The following PDHX variants were observed in gnomAD, a reference collection of about 807,000 sequenced individuals.
PDHX encodes pyruvate dehydrogenase protein X component, mitochondrial.
In PDHX, 33 loss-of-function variants were observed where a neutral mutation model predicts 55.3. The ratio of observed to expected loss-of-function variants is 0.60; its 90% CI spans 0.45 to 0.80. The LOEUF (loss-of-function observed/expected upper bound fraction) is 0.80. Among genes scored for constraint, PDHX ranks in the 30% least tolerant of loss-of-function variants. PDHX has a pLI of 0.00. For synonymous variants in PDHX, 226 were observed against 219.4 expected, an observed-to-expected ratio of 1.03 and a Z score of -0.27; for missense variants, 622 against 619.9, an observed-to-expected ratio of 1.00 and a Z score of -0.04.
intron 5 of PDHX, among the ~76,000 whole-genome samples, chr11:34,964,021 A>G (rs1855077151): frequency 6.6e-6 from 1 of 152,176 alleles, no homozygotes; most frequent in African/African-American, 2.4e-5. Flanking sequence ...TCACACCCAA[A>G]TGAATTGCTC....
At chr11:34,946,548 A>G (rs1028153125) in intron 2 of PDHX, among the ~76,000 whole-genome samples, 1 of 152,232 alleles carries the variant, frequency 6.6e-6, no homozygotes, top group South Asian at 2.1e-4. Context: ...TCCCCCCTCG[A>G]TCCTTGCCAC....
At chr11:34,938,225 A>G (rs949501490) in intron 2 of PDHX, among the ~76,000 whole-genome samples, 1 of 152,242 alleles carries the variant, frequency 6.6e-6, no homozygotes, top group Non-Finnish European at 1.5e-5. Context: ...AAGTTGACAT[A>G]TGAAGGGTAA....
intron 1 of PDHX, among the ~76,000 whole-genome samples, chr11:34,918,526 A>T (rs1853799446): frequency 6.6e-6 from 1 of 152,044 alleles, no homozygotes; most frequent in African/African-American, 2.4e-5. Context: ...CATCCTCATG[A>T]TGCTTTTTTA....
chr11:34,932,084 A>G (rs1854190600), intron 2 of PDHX, among the ~76,000 whole-genome samples: 1 of 152,160 alleles, frequency 6.6e-6, no homozygotes. Context: ...ATTTAAGTAT[A>G]TAATAAAGGA....
chr11:34,987,744 G>GTGTGTGTGTA (rs1855678817), intron 9 of PDHX, among the ~76,000 whole-genome samples: 1 of 151,520 alleles, frequency 6.6e-6, no homozygotes, highest in East Asian at 1.9e-4. Context: ...GTGTGTGTGT[G>GTGTGTGTGTA]TGTGTATGTG....
intron 6 of PDHX, 152 bp from the exon 7 acceptor site, chr11:34,969,987 A>T (rs1855222328): frequency 1.4e-6 from 1 of 704,582 alleles, no homozygotes; most frequent in African/African-American, 1.8e-5. Context: ...CCTTATACTA[A>T]GAATTTTAAT....
intron 1 of PDHX, among the ~76,000 whole-genome samples, chr11:34,920,606 G>A (rs936259656): frequency 1.3e-5 from 2 of 152,148 alleles, no homozygotes; most frequent in African/African-American, 4.8e-5. Flanking sequence ...CCTATGTGGT[G>A]ACAATTATCT....
intron 2 of PDHX, among the ~76,000 whole-genome samples, chr11:34,944,089 GTGTGTA>G (rs1400533130): frequency 2.7e-5 from 4 of 148,210 alleles, no homozygotes; most frequent in Non-Finnish European, 4.5e-5. Flanking sequence ...ATGTGTGTGT[GTGTGTA>G]TATATATATA....
intron 5 of PDHX, among the ~76,000 whole-genome samples, chr11:34,964,560 C>T (rs563441757): frequency 3.0e-4 from 45 of 151,912 alleles, no homozygotes; most frequent in South Asian, 1.2e-3. Context: ...GCTGAGATCG[C>T]GCCACTGCAC....
In PDHX at chr11:34,931,446, TG is replaced by T; in HGVS notation, c.205del (p.Glu69LysfsTer6). 2 of 1,607,984 alleles carry T rather than the reference TG, an allele frequency of 1.2e-6. No homozygotes were observed. Among genetic ancestry groups the T allele is most frequent in the African/African-American group, 2.7e-5 (2 of 74,804 alleles). On this transcript the variant is annotated frameshift_variant, in exon 2 of 11. Coordinates refer to ENST00000227868, the MANE Select transcript of PDHX (RefSeq NM_003477.3). LOFTEE classifies it high-confidence loss of function. The part of the protein sequence containing the change: ...KILMPSLSPT[M>X]EEGNIVKWLK... ...CTAATGCCATCACTGTCTCCTACAA[TG>T]GAAGAAGGAAACATTGTGAAATGGC...
At chr11:34,990,870 AAGTT>A (rs1217133455) in intron 9 of PDHX, among the ~76,000 whole-genome samples, 1 of 152,218 alleles carries the variant, frequency 6.6e-6, no homozygotes, top group Non-Finnish European at 1.5e-5. Flanking sequence ...CTATGAATTA[AAGTT>A]AGTTATCAAC....
At chr11:34,917,421 A>G (rs1284771349) in intron 1 of PDHX, among the ~76,000 whole-genome samples, 2 of 152,232 alleles carry the variant, frequency 1.3e-5, no homozygotes, top group African/African-American at 4.8e-5. Flanking sequence ...CCAAAAATTT[A>G]TTATAGAAAA....
intron 8 of PDHX, among the ~76,000 whole-genome samples, chr11:34,980,394 G>C (rs1464153528): frequency 9.5e-6 from 1 of 104,942 alleles, no homozygotes; most frequent in Non-Finnish European, 1.9e-5. Context: ...ATTGTGAAGA[G>C]CAAAAGAACA....
At chr11:34,926,239 AC>A (rs1159975287) in intron 1 of PDHX, among the ~76,000 whole-genome samples, 1 of 152,158 alleles carries the variant, frequency 6.6e-6, no homozygotes, top group Non-Finnish European at 1.5e-5. Context: ...TTTTTAAATT[AC>A]TTTTACTTTA....
At chr11:34,925,636 G>C (rs1267553520) in intron 1 of PDHX, among the ~76,000 whole-genome samples, 1 of 152,142 alleles carries the variant, frequency 6.6e-6, no homozygotes, top group Non-Finnish European at 1.5e-5. Context: ...AGCCCTTATA[G>C]TAATATCACT....
At chr11:34,931,552 T>TC (rs397791732) in intron 2 of PDHX, 68 bp downstream of exon 2, 97 of 839,462 alleles carry the variant, frequency 1.2e-4, no homozygotes, top group African/African-American at 9.0e-4. Flanking sequence ...TTTTTTTTTT[T>TC]CCTAATCTGT....
intron 9 of PDHX, among the ~76,000 whole-genome samples, chr11:34,989,423 G>A (rs1466867409): frequency 6.6e-6 from 1 of 152,202 alleles, no homozygotes; most frequent in Non-Finnish European, 1.5e-5. Flanking sequence ...AAACGGGAGA[G>A]TACTCTGCCA....
At chr11:34,972,603 TG>T (rs1855281334) in intron 7 of PDHX, among the ~76,000 whole-genome samples, 1 of 152,108 alleles carries the variant, frequency 6.6e-6, no homozygotes, top group South Asian at 2.1e-4. Flanking sequence ...TTTAGCATGT[TG>T]GCCACGCTGG....
rs141032069 is a variant in PDHX, at chr11:34,986,484, A to G, written c.1182+1756A>G. Reference sequence around the variant, plus strand: ...AGGTTAAATGAGATTAAGTGTTGAAACAACCTGTAAAATATAAAGTACTAT... The same window carrying G: ...AGGTTAAATGAGATTAAGTGTTGAAGCAACCTGTAAAATATAAAGTACTAT... On this transcript the variant is annotated intron_variant, in intron 9 of 10. Coordinates refer to ENST00000227868, the MANE Select transcript of PDHX (RefSeq NM_003477.3). Among the ~76,000 whole-genome samples the G allele has an allele frequency of 2.0e-5, 3 of 152,264 alleles. No homozygotes were observed. In the East Asian group the frequency reaches 5.8e-4, roughly 29 times the overall value.
Sources: gnomAD v4.1 joint callset for allele counts (sites outside exome capture counted in the v4.1 genomes callset) on GRCh38, gnomAD v4.1.1 for gene constraint, MANE v1.5 for transcripts, NCBI Gene and HGNC (gene_info 2026-07-23, HGNC 2026-07-21) for gene names.